NAT10: variants seen among roughly 807,000 people sequenced by gnomAD.
The protein encoded by NAT10 is RNA cytidine acetyltransferase.
In NAT10, 109 loss-of-function variants were observed where a neutral mutation model predicts 132.2. The ratio of observed to expected loss-of-function variants is 0.82; its 90% CI spans 0.71 to 0.97. The LOEUF is 0.97. NAT10 is among the 50% of genes least tolerant of loss of function. NAT10 has a pLI of 0.00. For missense variants in NAT10, 1,184 were observed against 1,263.4 expected (o/e 0.94, Z 0.95); for synonymous variants, 479 against 478.0 (o/e 1.00, Z -0.03).
At chr11:34,142,411 C>T (rs1049461592) in intron 27 of NAT10, 63 bp downstream of exon 27, 25 of 1,429,646 alleles carry the variant, frequency 1.7e-5, no homozygotes, top group South Asian at 1.2e-4. Context: ...TCTGCCTACA[C>T]GTTTCTTCTA....
rs141995659 is a variant in NAT10, at chr11:34,114,673, C to T, written c.495+835C>T. On this transcript the variant is annotated intron_variant, in intron 5 of 28. Coordinates refer to ENST00000257829, the MANE Select transcript of NAT10 (RefSeq NM_024662.3). ...GCTTCCTCTGGACCTCTGCCTGGCT[C>T]GCTTCCTCATTGCATTCAAGCCCCT... 6.1e-3 allele frequency among the ~76,000 whole-genome samples: 935 copies of T among 152,298 alleles called. 14 individuals are homozygous for T. The highest frequency in any genetic ancestry group is 0.021 in the African/African-American group (884 of 41,556).
At chr11:34,129,093 C>G (rs977167773) in intron 12 of NAT10, among the ~76,000 whole-genome samples, 1 of 152,144 alleles carries the variant, frequency 6.6e-6, no homozygotes, top group Non-Finnish European at 1.5e-5. Flanking sequence ...TATTAATAAT[C>G]TTGCTTTGAA....
At chr11:34,145,936 T>C (rs1852431500) in intron 28 of NAT10, 148 bp from the exon 29 acceptor site, 1 of 591,900 alleles carries the variant, frequency 1.7e-6, no homozygotes, top group Non-Finnish European at 3.0e-6. Context: ...CTAATAGGTT[T>C]GCAGAGAACA....
chr11:34,121,616 C>T (rs1205490967), intron 8 of NAT10, among the ~76,000 whole-genome samples: 1 of 152,034 alleles, frequency 6.6e-6, no homozygotes, highest in Non-Finnish European at 1.5e-5. Flanking sequence ...AATCCCAGCA[C>T]TTTGGAAGGC....
intron 4 of NAT10, among the ~76,000 whole-genome samples, chr11:34,112,809 G>A (rs1851718389): frequency 6.6e-6 from 1 of 152,238 alleles, no homozygotes; most frequent in Non-Finnish European, 1.5e-5. Context: ...GTGCATGTGT[G>A]TGTAAGCACT....
intron 1 of NAT10, among the ~76,000 whole-genome samples, chr11:34,106,481 A>G (rs1851597035): frequency 6.6e-6 from 1 of 151,862 alleles, no homozygotes; most frequent in Admixed American, 6.6e-5. Flanking sequence ...CATTCTCTTA[A>G]ATACCTTCTT....
At chr11:34,105,998 C>T (rs1851588714) in intron 1 of NAT10, 1 of 152,416 alleles carries the variant, frequency 6.6e-6, no homozygotes, top group South Asian at 2.1e-4. Flanking sequence ...GCGTGCTTCT[C>T]GAGCGTCCTC....
In NAT10 at chr11:34,123,833, G is replaced by T. The variant is rs751029742; in HGVS notation, c.986G>T (p.Gly329Val). The part of the protein sequence containing the change: ...LHTLFEFVFK[G>V]FDALQYQEHL... ...ACTCTGTTTGAATTTGTATTTAAAGGATTTGATGCTCTGCAATATCAGGTA... is the reference window on the plus strand; with the variant it reads ...ACTCTGTTTGAATTTGTATTTAAAGTATTTGATGCTCTGCAATATCAGGTA... The change falls in exon 10 of 29, where the codon GGA becomes GTA. Residue 329 changes from glycine (G) to valine (V), a missense_variant. Physicochemically the swap from Gly to Val is moderately radical, Grantham distance 109. Coordinates refer to ENST00000257829, the MANE Select transcript of NAT10 (RefSeq NM_024662.3). The T allele has an allele frequency of 6.2e-7, 1 of 1,610,388 alleles. No individual in the cohort carries two copies. The highest frequency in any genetic ancestry group is 8.5e-7 in the Non-Finnish European group (1 of 1,176,802).
Position 34,127,514 on chromosome 11 carries a change from A to G in NAT10, c.1159A>G (p.Ile387Val). The G allele has an allele frequency of 6.2e-7, 1 of 1,614,152 alleles. No individual in the cohort carries two copies. ...VKLGQAELVV[I>V]DEAAAIPLPL... ...GCTGGGCCAGGCTGAACTAGTTGTG[A>G]TTGATGAAGCTGCCGCCATCCCCCT... Residue 387 changes from isoleucine to valine, a missense_variant, in exon 12 of 29, where the codon ATT becomes GTT. Physicochemically the swap from Ile to Val is conservative, Grantham distance 29. Transcript: ENST00000257829.
chr11:34,106,771 G>A (rs1290777187), intron 1 of NAT10, among the ~76,000 whole-genome samples: 3 of 152,104 alleles, frequency 2.0e-5, no homozygotes, highest in African/African-American at 7.2e-5. Flanking sequence ...TATAAATTGG[G>A]GTCCTTGACA....
intron 25 of NAT10, 61 bp from the exon 26 acceptor site, chr11:34,141,658 C>T (rs547433712): frequency 3.3e-5 from 49 of 1,479,046 alleles, no homozygotes; most frequent in Middle Eastern, 1.7e-4. Context: ...GTCTGGGTCA[C>T]GGGTGACTGG....
chr11:34,111,841 A>ATG (rs1198733263), intron 3 of NAT10, among the ~76,000 whole-genome samples: 27 of 152,354 alleles, frequency 1.8e-4, no homozygotes, highest in African/African-American at 6.3e-4. Flanking sequence ...CAGAGTTCAC[A>ATG]CATAGACTTA....
chr11:34,133,584 A>G (rs1852147362), intron 16 of NAT10, among the ~76,000 whole-genome samples: 1 of 152,226 alleles, frequency 6.6e-6, no homozygotes, highest in African/African-American at 2.4e-5. Context: ...AGTGTATAAA[A>G]CACTCATAAT....
At chr11:34,132,933 A>G in intron 15 of NAT10, 93 bp from the exon 16 acceptor site, 5 of 974,124 alleles carry the variant, frequency 5.1e-6, no homozygotes, top group Middle Eastern at 2.2e-4. Context: ...GGAGAAGGCC[A>G]TACTGCAGTC....
chr11:34,138,184 T>C (rs1852253306), intron 21 of NAT10, among the ~76,000 whole-genome samples: 1 of 151,202 alleles, frequency 6.6e-6, no homozygotes, highest in Non-Finnish European at 1.5e-5. Context: ...CTTGAGGAGG[T>C]GGTGGGTGGG....
At chr11:34,107,730 A>G (rs917321023) in intron 1 of NAT10, among the ~76,000 whole-genome samples, 2 of 152,218 alleles carry the variant, frequency 1.3e-5, no homozygotes, top group African/African-American at 4.8e-5. Context: ...GATCGAGACC[A>G]TCCTGGCCAA....
At position 34,127,470 on chromosome 11, in the gene NAT10, A is replaced by G. The variant is rs1206416997; in HGVS notation, c.1115A>G (p.His372Arg). The G allele has an allele frequency of 6.2e-7, 1 of 1,613,694 alleles. No individual in the cohort carries two copies. The highest frequency in any genetic ancestry group is 8.5e-7 in the Non-Finnish European group (1 of 1,179,636). Residue 372 changes from histidine to arginine, a missense_variant, in exon 12 of 29, where the codon CAT (histidine) becomes CGT (arginine). His to Arg is a conservative substitution (Grantham distance 29). Coordinates refer to ENST00000257829, the MANE Select transcript of NAT10 (RefSeq NM_024662.3). ...REHRQTIQYIHPADAVKLGQA... is the reference protein window; with the variant it reads ...REHRQTIQYIRPADAVKLGQA... ...AATTTTCCTTCCCCATAGTATATAC[A>G]TCCTGCAGATGCTGTGAAGCTGGGC...
chr11:34,127,809 G>A (rs539432435), intron 12 of NAT10, among the ~76,000 whole-genome samples: 2 of 152,330 alleles, frequency 1.3e-5, no homozygotes, highest in East Asian at 3.9e-4. Context: ...CATGAAATGG[G>A]CAGTGTAAGA....
rs765932219 is a variant in NAT10, at chr11:34,136,967, T to C, written c.2163-11T>C. Reference sequence around the variant, plus strand: ...CACACACAGTGACCTACTGTCTTTGTATCTTTGCAGGTTCTGGAAACGAGC... The same window carrying C: ...CACACACAGTGACCTACTGTCTTTGCATCTTTGCAGGTTCTGGAAACGAGC... On this transcript the variant is annotated splice_polypyrimidine_tract_variant and intron_variant, in intron 20 of 28. Transcript: ENST00000257829. 1.2e-6 allele frequency: 2 copies of C among 1,614,196 alleles called. No individual in the cohort carries two copies. Among genetic ancestry groups the C allele is most frequent in the South Asian group, 1.1e-5 (1 of 91,082 alleles).
Sources: gnomAD v4.1 joint callset for allele counts (sites outside exome capture counted in the v4.1 genomes callset) on GRCh38, gnomAD v4.1.1 for gene constraint, MANE v1.5 for transcripts, NCBI Gene and HGNC (gene_info 2026-07-23, HGNC 2026-07-21) for gene names.